SGCD: variants seen among roughly 807,000 people sequenced by gnomAD.
The protein encoded by SGCD is delta-sarcoglycan.
A neutral mutation model predicts 36.6 loss-of-function variants in SGCD; 18 were observed. The ratio of observed to expected loss-of-function variants is 0.49; its 90% CI spans 0.34 to 0.73. The LOEUF (loss-of-function observed/expected upper bound fraction) is 0.73. Among genes scored for constraint, SGCD ranks in the 30% least tolerant of loss-of-function variants. The probability of loss-of-function intolerance (pLI) is 0.01; values close to 1 mark genes in which losing one functional copy is unlikely to be tolerated. For synonymous variants in SGCD, 133 were observed against 130.6 expected (o/e 1.02, Z -0.12); for missense variants, 387 against 346.7 (o/e 1.12, Z -0.92).
At chr5:156,487,858 G>T (rs1449650789) in intron 3 of SGCD, among the ~76,000 whole-genome samples, 1 of 122,326 alleles carries the variant, frequency 8.2e-6, no homozygotes, top group Non-Finnish European at 1.8e-5. Context: ...TCTATGAAAT[G>T]CCCAAAAAAG....
the SGCD span, among the ~76,000 whole-genome samples, chr5:155,781,636 GT>G: frequency 6.6e-6 from 1 of 151,540 alleles, no homozygotes; most frequent in Non-Finnish European, 1.5e-5. Flanking sequence ...TAATTTTTTT[GT>G]TTTTTGTATT....
chr5:156,180,917 G>T (rs1263525888), intron 3 of SGCD, among the ~76,000 whole-genome samples: 1 of 152,176 alleles, frequency 6.6e-6, no homozygotes, highest in Non-Finnish European at 1.5e-5. Flanking sequence ...AATTTGTCTG[G>T]ATGTGATGAT....
chr5:156,233,192 C>T (rs1303906684), intron 3 of SGCD, among the ~76,000 whole-genome samples: 1 of 152,168 alleles, frequency 6.6e-6, no homozygotes, highest in Non-Finnish European at 1.5e-5. Context: ...TGAATGTAGG[C>T]TATATCCACT....
chr5:155,891,155 T>C (rs1756120015), intron 1 of SGCD, among the ~76,000 whole-genome samples: 1 of 152,220 alleles, frequency 6.6e-6, no homozygotes. Flanking sequence ...CTATTGCTGA[T>C]GTATCTGGAG....
At chr5:156,591,728 G>T (rs1014270762) in intron 5 of SGCD, among the ~76,000 whole-genome samples, 14 of 152,208 alleles carry the variant, frequency 9.2e-5, no homozygotes, top group Admixed American at 3.3e-4. Flanking sequence ...AGGAATAGTG[G>T]TTTTTTTCTT....
At chr5:155,780,056 A>G in the SGCD span, among the ~76,000 whole-genome samples, 4 of 152,212 alleles carry the variant, frequency 2.6e-5, no homozygotes, top group African/African-American at 9.6e-5. Context: ...AGGAATTAAG[A>G]CACTAGAATA....
intron 3 of SGCD, among the ~76,000 whole-genome samples, chr5:156,263,034 T>A (rs192423548): frequency 3.3e-5 from 5 of 152,210 alleles, no homozygotes; most frequent in Non-Finnish European, 5.9e-5. Context: ...ATTTTTGCAA[T>A]TGTGAATTGC....
At position 156,335,014 on chromosome 5, in the gene SGCD, G is replaced by T. The variant is rs777989515; in HGVS notation, c.3+5435G>T. On this transcript the variant is annotated intron_variant, in intron 2 of 8. Transcript: ENST00000337851. ...ACCCTAACCAAGTTACTAGTTAGGGGTCTTTGAGAATACTCCTGAATTCCT... is the reference window on the plus strand; with the variant it reads ...ACCCTAACCAAGTTACTAGTTAGGGTTCTTTGAGAATACTCCTGAATTCCT... 5.3e-5 allele frequency among the ~76,000 whole-genome samples: 8 copies of T among 152,136 alleles called. 1 individual carries two copies. In the South Asian group the frequency reaches 1.2e-3, roughly 24 times the overall value.
chr5:155,841,204 T>C, the SGCD span, among the ~76,000 whole-genome samples: 4 of 152,138 alleles, frequency 2.6e-5, no homozygotes, highest in African/African-American at 7.2e-5. Context: ...GATGTACAAA[T>C]GTATTTGATT....
At chr5:156,359,348 A>G (rs1475823723) in intron 3 of SGCD, among the ~76,000 whole-genome samples, 1 of 152,236 alleles carries the variant, frequency 6.6e-6, no homozygotes, top group Non-Finnish European at 1.5e-5. Context: ...TCATTAATTA[A>G]TAGGATAACA....
the SGCD span, among the ~76,000 whole-genome samples, chr5:155,801,396 T>C: frequency 6.6e-6 from 1 of 152,178 alleles, no homozygotes; most frequent in Non-Finnish European, 1.5e-5. Context: ...AGACTCAGCA[T>C]TCTCAAAAGG....
intron 1 of SGCD, among the ~76,000 whole-genome samples, chr5:156,018,132 A>G (rs1219990939): frequency 1.3e-5 from 2 of 152,204 alleles, no homozygotes; most frequent in African/African-American, 4.8e-5. Context: ...TGCAATCCTG[A>G]GCAACACGGT....
At chr5:155,996,064 G>A (rs1362534017) in intron 1 of SGCD, among the ~76,000 whole-genome samples, 1 of 148,932 alleles carries the variant, frequency 6.7e-6, no homozygotes, top group Non-Finnish European at 1.5e-5. Context: ...ATGATTAGGT[G>A]TTGTTGAGGC....
intron 1 of SGCD, among the ~76,000 whole-genome samples, chr5:155,926,067 A>G (rs1031905035): frequency 4.6e-5 from 7 of 151,940 alleles, no homozygotes; most frequent in African/African-American, 1.7e-4. Context: ...TTGGCCCCCA[A>G]CTTTCATCTG....
intron 3 of SGCD, among the ~76,000 whole-genome samples, chr5:156,346,945 G>A (rs949270906): frequency 2.0e-5 from 3 of 151,786 alleles, no homozygotes; most frequent in Non-Finnish European, 4.4e-5. Context: ...CTACAGGTGC[G>A]CACCACCACG....
intron 7 of SGCD, 72 bp downstream of exon 7, chr5:156,647,608 T>C: frequency 1.0e-6 from 1 of 972,262 alleles, no homozygotes; most frequent in Non-Finnish European, 1.6e-6. Flanking sequence ...CAGTGATTCA[T>C]TCTGAATAAA....
At chr5:155,738,627 A>G in the SGCD span, among the ~76,000 whole-genome samples, 3 of 151,966 alleles carry the variant, frequency 2.0e-5, no homozygotes, top group Non-Finnish European at 2.9e-5. Context: ...CCTCTGAGAG[A>G]GAGAGTCTGT....
intron 4 of SGCD, among the ~76,000 whole-genome samples, chr5:156,569,685 G>A (rs997048225): frequency 1.3e-5 from 2 of 152,070 alleles, no homozygotes; most frequent in Non-Finnish European, 2.9e-5. Context: ...GAGAGAGCAA[G>A]AGTAAGAGGA....
At chr5:156,143,671 A>G (rs1475779586) in intron 3 of SGCD, among the ~76,000 whole-genome samples, 2 of 152,054 alleles carry the variant, frequency 1.3e-5, no homozygotes, top group Non-Finnish European at 1.5e-5. Context: ...TTAAGTTTTG[A>G]TGACTGCCCT....
Sources: allele counts gnomAD v4.1 joint callset (sites outside exome capture counted in the v4.1 genomes callset), GRCh38; gene constraint gnomAD v4.1.1; transcripts MANE v1.5; gene names NCBI Gene and HGNC (gene_info 2026-07-23, HGNC 2026-07-21).